Variants in GIT1 observed in about 807,000 individuals in gnomAD.
The protein encoded by GIT1 is GIT ArfGAP 1, also known as ARF GTPase-activating protein GIT1.
A neutral mutation model predicts 91.7 loss-of-function variants in GIT1; 14 were observed. That is an observed-to-expected ratio of 0.15 (90% confidence interval 0.10 to 0.24). GIT1 has a LOEUF of 0.24. Ranked by LOEUF, GIT1 falls within the 10% of genes least tolerant of loss-of-function variation. The pLI is 1.00. For missense variants in GIT1, 717 were observed against 1,024.9 expected, an observed-to-expected ratio of 0.70 and a Z score of 4.10; for synonymous variants, 414 against 418.2, an observed-to-expected ratio of 0.99 and a Z score of 0.12.
At chr17:29,582,384 G>A (rs2033430740) in intron 4 of GIT1, among the ~76,000 whole-genome samples, 1 of 152,254 alleles carries the variant, frequency 6.6e-6, no homozygotes, top group South Asian at 2.1e-4. Context: ...TTATGAAGTA[G>A]ATGCTGTTAT....
At chr17:29,578,950 G>A (rs372710485) in intron 7 of GIT1, 171 bp from the exon 8 acceptor site, 1 of 1,613,516 alleles carries the variant, frequency 6.2e-7, no homozygotes, top group South Asian at 1.1e-5. Flanking sequence ...TGCCCCGGCA[G>A]GCACCATATA....
rs1403539645 is a variant in GIT1 at position 29,575,801 on chromosome 17, G to A, written c.1752+11C>T. 2 of 1,613,034 alleles carry A rather than the reference G, an allele frequency of 1.2e-6. No homozygotes were observed. Among genetic ancestry groups the A allele is most frequent in the Non-Finnish European group, 1.7e-6 (2 of 1,179,416 alleles). On this transcript the variant is annotated intron_variant, in intron 16 of 19. Transcript: ENST00000225394. The surrounding 1 kb of genome is among the most constrained non-coding windows in gnomAD (Gnocchi z 5.5). ...CAGCCACCCTGTGGGCACTGGGCAT[G>A]GAAACATTACCGTGTGGCGGCTTCC...
At chr17:29,588,777 G>A (rs893154092) in intron 1 of GIT1, among the ~76,000 whole-genome samples, 3 of 152,192 alleles carry the variant, frequency 2.0e-5, no homozygotes, top group East Asian at 1.9e-4. Flanking sequence ...ACCCGAGGCA[G>A]GGAGTCCTGG....
chr17:29,583,718 A>G, intron 1 of GIT1, 102 bp from the exon 2 acceptor site: 1 of 1,281,802 alleles, frequency 7.8e-7, no homozygotes, highest in South Asian at 1.5e-5. Context: ...CCACACATTC[A>G]CTCACTCAGT....
intron 2 of GIT1, among the ~76,000 whole-genome samples, chr17:29,583,282 G>A (rs577673791): frequency 1.3e-5 from 2 of 152,314 alleles, no homozygotes; most frequent in South Asian, 2.1e-4. Context: ...ATAAGTGGCA[G>A]AGCAGGGGTG....
At position 29,575,359 on chromosome 17, in the gene GIT1, G is replaced by A; in HGVS notation, c.1938C>T (p.Ile646=). ...TCTTGGTGACCTGCTCTGTCTTCAA[G>A]ATGACATCCTCTGTGCTGGGAAGCC... ...DPGLPSTEDV[I]LKTEQVTKNI... Residue 646 remains isoleucine (I), a synonymous_variant, in exon 18 of 20, where the codon ATC becomes ATT. Transcript: ENST00000225394. This position sits in a 1 kb window ranked among gnomAD's most constrained non-coding sequence, Gnocchi z 5.5. The A allele has an allele frequency of 1.2e-6, 2 of 1,613,700 alleles. No individual in the cohort carries two copies. Among genetic ancestry groups the A allele is most frequent in the Non-Finnish European group, 1.7e-6 (2 of 1,179,878 alleles).
Position 29,589,466 on chromosome 17 carries a change from C to T in GIT1, c.-88G>A. 2 of 434,654 alleles carry T rather than the reference C, an allele frequency of 4.6e-6. No individual in the cohort carries two copies. Among genetic ancestry groups the T allele is most frequent in the Non-Finnish European group, 6.1e-6 (2 of 329,010 alleles). 26.9% of individuals were successfully genotyped at this position (434,654 alleles called of 1,614,324 possible). Reference sequence around the variant, plus strand: ...GGCGGCGGCGGCGGCCCCTGCTGCCCGGCCCGGCTCCGGCGAGGCCCCGGC... The same window carrying T: ...GGCGGCGGCGGCGGCCCCTGCTGCCTGGCCCGGCTCCGGCGAGGCCCCGGC... On this transcript the variant is annotated 5_prime_UTR_variant, in exon 1 of 20. Coordinates refer to ENST00000225394, the MANE Select transcript of GIT1 (RefSeq NM_014030.4). This position sits in a 1 kb window ranked among gnomAD's most constrained non-coding sequence, Gnocchi z 5.2.
intron 1 of GIT1, among the ~76,000 whole-genome samples, chr17:29,584,959 CTTTT>C (rs11419578): frequency 4.9e-5 from 5 of 102,394 alleles, no homozygotes; most frequent in South Asian, 3.6e-4. Context: ...TGGGTTTAGG[CTTTT>C]TTTTTTTTTT....
At position 29,589,479 on chromosome 17, in the gene GIT1, G is replaced by C. The variant is rs995316695; in HGVS notation, c.-101C>G. 6 of 360,662 alleles carry C rather than the reference G, an allele frequency of 1.7e-5. No individual in the cohort carries two copies. The highest frequency in any genetic ancestry group is 6.7e-5 in the Admixed American group (1 of 14,964). 22.3% of individuals were successfully genotyped at this position (360,662 alleles called of 1,614,324 possible). On this transcript the variant is annotated 5_prime_UTR_variant, in exon 1 of 20. Transcript: ENST00000225394. The surrounding 1 kb of genome is among the most constrained non-coding windows in gnomAD (Gnocchi z 5.2). ...GCCCCTGCTGCCCGGCCCGGCTCCG[G>C]CGAGGCCCCGGCGAGGCTCCGCGCG...
Position 29,589,532 on chromosome 17 carries a change from GC to G in GIT1, c.-155del, listed in dbSNP as rs997518380. ...CGGCCAACCGTCCGCCCCGGGGCTGGCCCGGAACCCGCCGTGCCCGCCTGCC... is the reference window on the plus strand; with the variant it reads ...CGGCCAACCGTCCGCCCCGGGGCTGGCCGGAACCCGCCGTGCCCGCCTGCC... On this transcript the variant is annotated 5_prime_UTR_variant, in exon 1 of 20. Transcript: ENST00000225394. This position sits in a 1 kb window ranked among gnomAD's most constrained non-coding sequence, Gnocchi z 5.2. 5.8e-6 allele frequency: 1 copy of G among 172,534 alleles called. No homozygotes were observed. The highest frequency in any genetic ancestry group is 1.1e-5 in the Non-Finnish European group (1 of 89,804). The allele number at this position is 172,534 out of a possible 1,614,324, so 10.7% of individuals were successfully genotyped here. A position where few individuals can be genotyped will look rare whatever the true frequency, so the allele number is the denominator to read the frequency against.
chr17:29,587,690 A>G (rs1290047580), intron 1 of GIT1, among the ~76,000 whole-genome samples: 1 of 151,724 alleles, frequency 6.6e-6, no homozygotes, highest in East Asian at 1.9e-4. Context: ...AACCATTTCT[A>G]CTCCAACTTC....
intron 1 of GIT1, among the ~76,000 whole-genome samples, chr17:29,585,865 G>GTA (rs1386242406): frequency 6.6e-6 from 1 of 152,180 alleles, no homozygotes; most frequent in African/African-American, 2.4e-5. Flanking sequence ...CACCGGCAGG[G>GTA]TATGGGTCTG....
chr17:29,575,585 C>T lies in GIT1; in HGVS notation c.1826+45G>A. 1.3e-6 allele frequency: 2 copies of T among 1,592,096 alleles called. No individual in the cohort carries two copies. Among genetic ancestry groups the T allele is most frequent in the Non-Finnish European group, 1.7e-6 (2 of 1,165,834 alleles). On this transcript the variant is annotated intron_variant, in intron 17 of 19. Transcript: ENST00000225394. This position sits in a 1 kb window ranked among gnomAD's most constrained non-coding sequence, Gnocchi z 5.5. The stretch of plus-strand genomic sequence containing the variant: ...ACTGGGGGCCCTCTCAACCTCCCCG[C>T]CTCGGCATGTGAGCAGGCTGGACTG...
rs2033381528 is a variant in GIT1, at chr17:29,581,162, A to AT, written c.761+175dup. The AT allele has an allele frequency of 4.8e-6, 3 of 626,192 alleles. No homozygotes were observed. The highest frequency in any genetic ancestry group is 8.6e-6 in the Non-Finnish European group (3 of 347,388). 38.8% of individuals were successfully genotyped at this position (626,192 alleles called of 1,614,324 possible). A position where few individuals can be genotyped will look rare whatever the true frequency, so the allele number is the denominator to read the frequency against. Reference sequence around the variant, plus strand: ...TATGCGGGCCACATATGGAGCTGACATTTTTTACCTGCCTTGGGGCCCAGC... The same window carrying AT: ...TATGCGGGCCACATATGGAGCTGACATTTTTTTACCTGCCTTGGGGCCCAGC... On this transcript the variant is annotated intron_variant, in intron 7 of 19. Transcript: ENST00000225394. The surrounding 1 kb of genome is among the most constrained non-coding windows in gnomAD (Gnocchi z 4.8).
intron 9 of GIT1, 27 bp downstream of exon 9, chr17:29,578,272 G>T: frequency 1.9e-6 from 3 of 1,592,300 alleles, no homozygotes; most frequent in Non-Finnish European, 2.6e-6. Context: ...GGTCCTCCAC[G>T]CCAGACACTC....
At position 29,576,244 on chromosome 17, in the gene GIT1, C is replaced by T. The variant is rs367835281; in HGVS notation, c.1587G>A (p.Thr529=). 82 of 1,608,934 alleles carry T rather than the reference C, an allele frequency of 5.1e-5. No individual in the cohort carries two copies. The highest frequency in any genetic ancestry group is 6.7e-5 in the African/African-American group (5 of 74,868). Reference sequence around the variant, plus strand: ...CAGTGCTGTGGAAAGGCTGCAGCCGCGTAGTGAGCTCGTCCCCAGGGGGGC... The same window carrying T: ...CAGTGCTGTGGAAAGGCTGCAGCCGTGTAGTGAGCTCGTCCCCAGGGGGGC... ...FGGPPGDELT[T]RLQPFHSTEL... Residue 529 remains threonine (T), a synonymous_variant, in exon 14 of 20, where the codon ACG becomes ACA. Transcript: ENST00000225394.
rs191923154 is a variant in GIT1 at position 29,584,816 on chromosome 17, T to C, written c.53-1200A>G. On this transcript the variant is annotated intron_variant, in intron 1 of 19. Coordinates refer to ENST00000225394, the MANE Select transcript of GIT1 (RefSeq NM_014030.4). ...GAAGGCAATTCTCAGGCCTTTCCCC[T>C]CTAAGGACTTCCACCAAAGTTCCCA... Among the ~76,000 whole-genome samples, 269 of 152,232 alleles carry C rather than the reference T, an allele frequency of 1.8e-3. 2 individuals carry two copies. The highest frequency in any genetic ancestry group is 3.3e-3 in the Non-Finnish European group (227 of 67,994).
Position 29,583,027 on chromosome 17 carries a change from G to A in GIT1, c.197C>T (p.Thr66Met), listed in dbSNP as rs146774510. 4.8e-4 allele frequency: 763 copies of A among 1,604,948 alleles called. 4 individuals carry two copies. The highest frequency in any genetic ancestry group is 3.8e-3 in the Middle Eastern group (23 of 6,050). The stretch of plus-strand genomic sequence containing the variant: ...GGAGTTGGCCCCGTTGCTGGCAAGC[G>A]TGTGCACCATCTGCAGGGAAGAGAT... ...WPPTLLQMVH[T>M]LASNGANSIW... The change falls in exon 3 of 20, where the codon ACG (threonine) becomes ATG (methionine). Residue 66 changes from threonine (T) to methionine (M), a missense_variant. Coordinates refer to ENST00000225394, the MANE Select transcript of GIT1 (RefSeq NM_014030.4).
chr17:29,581,281 C>A lies in GIT1; in HGVS notation c.761+57G>T. 7.3e-7 allele frequency: 1 copy of A among 1,360,632 alleles called. No individual in the cohort carries two copies. The highest frequency in any genetic ancestry group is 1.1e-6 in the Non-Finnish European group (1 of 950,192). The allele number at this position is 1,360,632 out of a possible 1,614,324, so 84.3% of individuals were successfully genotyped here. On this transcript the variant is annotated intron_variant, in intron 7 of 19. Transcript: ENST00000225394. The surrounding 1 kb of genome is among the most constrained non-coding windows in gnomAD (Gnocchi z 4.8). ...AACCTGGGCTGGGAGCTCTGGGGGT[C>A]AGCCACCCACATGGCATCCAACAGC...
Sources: allele counts gnomAD v4.1 joint callset (sites outside exome capture counted in the v4.1 genomes callset), GRCh38; gene constraint gnomAD v4.1.1; non-coding constraint Gnocchi (gnomAD v3.1); transcripts MANE v1.5; gene names NCBI Gene and HGNC (gene_info 2026-07-23, HGNC 2026-07-21).